STXBP3: variants seen among roughly 807,000 people sequenced by gnomAD.
STXBP3 encodes syntaxin-binding protein 3.
In STXBP3, 41 loss-of-function variants were observed where a neutral mutation model predicts 85.7. That is an observed-to-expected ratio of 0.48 (90% CI 0.37 to 0.62). The LOEUF is 0.62. Ranked by LOEUF, STXBP3 falls within the 20% of genes least tolerant of loss-of-function variation. STXBP3 has a pLI of 0.00. For synonymous variants in STXBP3, 229 were observed against 231.7 expected (o/e 0.99, Z 0.10); for missense variants, 563 against 703.1 (o/e 0.80, Z 2.25).
At chr1:108,767,252 C>A in intron 6 of STXBP3, 1 of 239,078 alleles carries the variant, frequency 4.2e-6, no homozygotes, top group Non-Finnish European at 8.3e-6. Context: ...ATCTCACTGA[C>A]CTTAGTGTCA....
intron 3 of STXBP3, 54 bp from the exon 4 acceptor site, chr1:108,756,636 T>C: frequency 1.0e-6 from 1 of 994,708 alleles, no homozygotes; most frequent in Non-Finnish European, 1.4e-6. Flanking sequence ...TATTTAAAAA[T>C]TATTTTAAGT....
chr1:108,753,123 C>G lies in STXBP3; in HGVS notation c.160C>G (p.Leu54Val), dbSNP rs138321348. The G allele has an allele frequency of 1.9e-6, 3 of 1,586,244 alleles. No homozygotes were observed. The highest frequency in any genetic ancestry group is 2.6e-6 in the Non-Finnish European group (3 of 1,168,426). The change falls in exon 3 of 19, where the codon CTT (leucine) becomes GTT (valine). Residue 54 changes from leucine (L) to valine (V), a missense_variant. By Grantham distance (32) the Leu-to-Val change is conservative. Transcript: ENST00000370008. ...GGCATCGTGTTGCAAAATGACAGAT[C>G]TTCTAGAAGAAGGTATTACTGGTAA... ...LLASCCKMTD[L>V]LEEGITVVEN... is the part of the protein sequence containing the mutation.
At chr1:108,785,640 C>T (rs61797331) in intron 11 of STXBP3, among the ~76,000 whole-genome samples, 10,290 of 152,184 alleles carry the variant, frequency 0.068, 384 homozygotes, top group Admixed American at 0.084. Context: ...ATTTCTCCCC[C>T]GAAAATGGGT....
chr1:108,746,916 T>A, intron 1 of STXBP3, 130 bp downstream of exon 1: 1 of 876,188 alleles, frequency 1.1e-6, no homozygotes, highest in Non-Finnish European at 1.8e-6. Flanking sequence ...GGGACCTGTG[T>A]GAGGACTTCT....
intron 1 of STXBP3, among the ~76,000 whole-genome samples, chr1:108,750,754 CCTAG>C (rs1661882115): frequency 6.6e-6 from 1 of 152,174 alleles, no homozygotes; most frequent in African/African-American, 2.4e-5. Context: ...GTACCAAGTC[CCTAG>C]GTTACCCACA....
chr1:108,790,690 T>C (rs1221068527), intron 11 of STXBP3, among the ~76,000 whole-genome samples: 1 of 152,090 alleles, frequency 6.6e-6, no homozygotes, highest in Non-Finnish European at 1.5e-5. Context: ...ATCTCCAATA[T>C]AAACATTTGT....
Position 108,806,656 on chromosome 1 carries a change from T to C in STXBP3, c.1536-745T>C, listed in dbSNP as rs1004685370. On this transcript the variant is annotated intron_variant, in intron 17 of 18. Coordinates refer to ENST00000370008, the MANE Select transcript of STXBP3 (RefSeq NM_007269.4). ...CTCCTACCATCGTAGGTTCCTGAATTCCATTCCATCAAGGAACAACCTAAT... is the reference window on the plus strand; with the variant it reads ...CTCCTACCATCGTAGGTTCCTGAATCCCATTCCATCAAGGAACAACCTAAT... Among the ~76,000 whole-genome samples, 3 of 152,136 alleles carry C rather than the reference T, an allele frequency of 2.0e-5. 1 individual carries two copies. The highest frequency in any genetic ancestry group is 7.2e-5 in the African/African-American group (3 of 41,430).
rs1662734989 is a variant in STXBP3 at position 108,782,416 on chromosome 1, T to C, written c.810-6T>C. On this transcript the variant is annotated splice_region_variant and splice_polypyrimidine_tract_variant and intron_variant, in intron 9 of 18. Transcript: ENST00000370008. ...AAAAAGTTTTAGTGCTTCTGTCTAC[T>C]TGTAGATATAAAACAGATGGAAAAG... 2 of 1,602,946 alleles carry C rather than the reference T, an allele frequency of 1.2e-6. No individual in the cohort carries two copies. Among genetic ancestry groups the C allele is most frequent in the East Asian group, 2.2e-5 (1 of 44,742 alleles).
At chr1:108,792,432 C>T (rs941902043) in intron 11 of STXBP3, among the ~76,000 whole-genome samples, 10 of 152,090 alleles carry the variant, frequency 6.6e-5, no homozygotes, top group Non-Finnish European at 1.3e-4. Flanking sequence ...TATGTTTATA[C>T]GTGCATACAG....
intron 9 of STXBP3, chr1:108,780,979 G>A (rs912241719): frequency 5.3e-5 from 8 of 151,856 alleles, no homozygotes; most frequent in African/African-American, 1.5e-4. Context: ...TGTTGGCCAG[G>A]CTGGTCTCGA....
At chr1:108,784,210 T>G (rs1662779242) in intron 11 of STXBP3, among the ~76,000 whole-genome samples, 1 of 152,258 alleles carries the variant, frequency 6.6e-6, no homozygotes, top group Non-Finnish European at 1.5e-5. Context: ...TCATTTTAGC[T>G]TTTACATTTA....
At chr1:108,746,863 C>G in intron 1 of STXBP3, 77 bp downstream of exon 1, 7 of 1,483,280 alleles carry the variant, frequency 4.7e-6, no homozygotes, top group Non-Finnish European at 6.4e-6. Flanking sequence ...GCAGCCCCAA[C>G]CCAGCGGTCT....
rs1220033073 is a variant in STXBP3, at chr1:108,784,150, C to G, written c.963+1444C>G. Among the ~76,000 whole-genome samples the G allele has an allele frequency of 2.0e-5, 3 of 152,134 alleles. No individual in the cohort carries two copies. In the East Asian group the frequency reaches 5.8e-4, roughly 29 times the overall value. ...TTCTCTGTGTCCTTAGAAGTCTTGG[C>G]TTACCCTGAGGTCATTAATATATTC... On this transcript the variant is annotated intron_variant, in intron 11 of 18. Transcript: ENST00000370008.
intron 18 of STXBP3, among the ~76,000 whole-genome samples, 199 bp from the exon 19 acceptor site, chr1:108,808,573 TGTTTCTGAAAA>T (rs914184430): frequency 6.6e-5 from 10 of 152,234 alleles, no homozygotes; most frequent in Non-Finnish European, 1.2e-4. Context: ...GAATGGCCGC[TGTTTCTGAAAA>T]GTTACTGAAC....
At chr1:108,769,069 A>T (rs1014133590) in intron 6 of STXBP3, among the ~76,000 whole-genome samples, 1 of 146,650 alleles carries the variant, frequency 6.8e-6, no homozygotes, top group South Asian at 2.2e-4. Context: ...AGCCTTCCTG[A>T]TAACATAAAC....
chr1:108,791,419 A>T (rs1662971870), intron 11 of STXBP3, among the ~76,000 whole-genome samples: 2 of 151,988 alleles, frequency 1.3e-5, no homozygotes, highest in Admixed American at 1.3e-4. Context: ...CTTGGTCATT[A>T]TCTCCTCACA....
At chr1:108,763,917 A>G (rs185102314) in intron 6 of STXBP3, among the ~76,000 whole-genome samples, 14 of 152,110 alleles carry the variant, frequency 9.2e-5, no homozygotes, top group Non-Finnish European at 1.5e-5. Context: ...TTTGGAGTAC[A>G]TTTGCCAGTT....
chr1:108,787,797 C>CT (rs889009178), intron 11 of STXBP3, among the ~76,000 whole-genome samples: 3 of 150,774 alleles, frequency 2.0e-5, no homozygotes, highest in Non-Finnish European at 3.0e-5. Flanking sequence ...TTTCTTTTTT[C>CT]TTTTTTTTAA....
chr1:108,788,154 T>C (rs1662898631), intron 11 of STXBP3, among the ~76,000 whole-genome samples: 1 of 152,204 alleles, frequency 6.6e-6, no homozygotes, highest in Non-Finnish European at 1.5e-5. Context: ...CATTTTGATA[T>C]TGTCTTTTTT....
Sources: allele counts gnomAD v4.1 joint callset (sites outside exome capture counted in the v4.1 genomes callset), GRCh38; gene constraint gnomAD v4.1.1; transcripts MANE v1.5; gene names NCBI Gene and HGNC (gene_info 2026-07-23, HGNC 2026-07-21).